IGF1R: variants seen among roughly 807,000 people sequenced by gnomAD.
IGF1R encodes insulin-like growth factor 1 receptor.
IGF1R carries 44 observed loss-of-function variants against 144.6 expected under a neutral mutation model. The ratio of observed to expected loss-of-function variants is 0.30; its 90% CI spans 0.24 to 0.39. The LOEUF is 0.39. IGF1R is among the 10% of genes least tolerant of loss of function. The pLI, the probability that IGF1R is intolerant of heterozygous loss-of-function variation, is 1.00. For missense variants in IGF1R, 1,355 were observed against 1,833.7 expected (o/e 0.74, Z 4.77); for synonymous variants, 795 against 722.8 (o/e 1.10, Z -1.60).
intron 2 of IGF1R, among the ~76,000 whole-genome samples, chr15:98,787,429 T>C (rs572056300): frequency 1.3e-5 from 2 of 152,320 alleles, no homozygotes; most frequent in East Asian, 3.9e-4. Flanking sequence ...CTGAAGGCGT[T>C]GGAGCGTGAG....
chr15:98,851,949 A>G (rs2011545059), intron 2 of IGF1R, among the ~76,000 whole-genome samples: 1 of 152,258 alleles, frequency 6.6e-6, no homozygotes, highest in Non-Finnish European at 1.5e-5. Context: ...TGTGCCCTTA[A>G]TGGCGTATTG....
intron 2 of IGF1R, among the ~76,000 whole-genome samples, chr15:98,828,240 A>G (rs2056932456): frequency 6.6e-6 from 1 of 152,150 alleles, no homozygotes; most frequent in Non-Finnish European, 1.5e-5. Flanking sequence ...CTAAACTTCC[A>G]CAGTCAGACC....
At chr15:98,691,930 C>G (rs1313030330) in intron 1 of IGF1R, among the ~76,000 whole-genome samples, 10 of 152,220 alleles carry the variant, frequency 6.6e-5, no homozygotes, top group Non-Finnish European at 1.5e-4. Flanking sequence ...TGGCTGTACA[C>G]ATATGCTCCT....
In IGF1R at chr15:98,923,867, A is replaced by T. The variant is rs760038154; in HGVS notation, c.2486-9A>T. 1.2e-6 allele frequency: 2 copies of T among 1,613,536 alleles called. No individual in the cohort carries two copies. Among genetic ancestry groups the T allele is most frequent in the Non-Finnish European group, 1.7e-6 (2 of 1,179,510 alleles). On this transcript the variant is annotated splice_polypyrimidine_tract_variant and intron_variant, in intron 11 of 20. Transcript: ENST00000650285. ...AAATCCAACTTTGTCACCTGTTTAA[A>T]TTGTACAGAAGGAGCAGATGACATT...
At chr15:98,932,750 A>G (rs765425793) in intron 15 of IGF1R, among the ~76,000 whole-genome samples, 16 of 152,210 alleles carry the variant, frequency 1.1e-4, no homozygotes, top group Non-Finnish European at 1.9e-4. Context: ...CAGGGGTGCA[A>G]GCCACCTATG....
chr15:98,762,659 T>C (rs112329846), intron 2 of IGF1R, among the ~76,000 whole-genome samples: 39,117 of 144,688 alleles, frequency 0.27, 5,404 homozygotes, highest in East Asian at 0.4. Context: ...ACCCGGGAGG[T>C]GGAGGTTGCA....
At chr15:98,954,907 C>T (rs1045149503) in intron 20 of IGF1R, among the ~76,000 whole-genome samples, 1 of 152,150 alleles carries the variant, frequency 6.6e-6, no homozygotes, top group Non-Finnish European at 1.5e-5. Context: ...GTTCCTTGGA[C>T]AGTTAGGTGA....
intron 13 of IGF1R, among the ~76,000 whole-genome samples, chr15:98,927,535 A>G (rs2015768903): frequency 1.3e-5 from 2 of 152,186 alleles, no homozygotes; most frequent in Admixed American, 1.3e-4. Flanking sequence ...TGAAATGTGA[A>G]ACTCAAAAAG....
chr15:98,861,178 C>T (rs564564321), intron 2 of IGF1R, among the ~76,000 whole-genome samples: 1 of 152,268 alleles, frequency 6.6e-6, no homozygotes, highest in East Asian at 1.9e-4. Flanking sequence ...AAAAACAAAT[C>T]TTCCAAATGA....
chr15:98,800,703 G>C (rs1189736772), intron 2 of IGF1R, among the ~76,000 whole-genome samples: 3 of 152,122 alleles, frequency 2.0e-5, no homozygotes, highest in Non-Finnish European at 4.4e-5. Flanking sequence ...CTTGGTGTTG[G>C]TATCTGAGCG....
intron 2 of IGF1R, among the ~76,000 whole-genome samples, chr15:98,843,328 C>T (rs1348155600): frequency 2.0e-5 from 3 of 152,096 alleles, no homozygotes; most frequent in African/African-American, 7.2e-5. Flanking sequence ...AGACGCAGAA[C>T]AAATTAACTC....
chr15:98,804,378 G>A (rs888207924), intron 2 of IGF1R, among the ~76,000 whole-genome samples: 9 of 152,320 alleles, frequency 5.9e-5, no homozygotes, highest in Middle Eastern at 3.4e-3. Flanking sequence ...AGTAACCCGC[G>A]TTTGGAGGAC....
At chr15:98,908,927 G>A in intron 6 of IGF1R, 28 bp downstream of exon 6, 3 of 1,592,156 alleles carry the variant, frequency 1.9e-6, no homozygotes, top group Non-Finnish European at 1.7e-6. Flanking sequence ...AAACACCGTG[G>A]GCCCAACCAT....
Position 98,785,552 on chromosome 15 carries a change from G to T in IGF1R, c.640+77445G>T, listed in dbSNP as rs376628652. Reference sequence around the variant, plus strand: ...AGGTGTGTTAATTGGCCCCAGGGCCGCAGGCTTTAGCGTTCAGAGGACTTT... The same window carrying T: ...AGGTGTGTTAATTGGCCCCAGGGCCTCAGGCTTTAGCGTTCAGAGGACTTT... On this transcript the variant is annotated intron_variant, in intron 2 of 20. Coordinates refer to ENST00000650285, the MANE Select transcript of IGF1R (RefSeq NM_000875.5). Among the ~76,000 whole-genome samples, 351 of 152,276 alleles carry T rather than the reference G, an allele frequency of 2.3e-3. 1 individual carries two copies. The highest frequency in any genetic ancestry group is 8.1e-3 in the African/African-American group (337 of 41,550).
chr15:98,868,943 G>A (rs563873773), intron 2 of IGF1R, among the ~76,000 whole-genome samples: 14 of 152,294 alleles, frequency 9.2e-5, no homozygotes, highest in Non-Finnish European at 1.6e-4. Context: ...CCAGAAGCAA[G>A]TGTTACCTGT....
chr15:98,874,253 C>T (rs1328054332), intron 2 of IGF1R, among the ~76,000 whole-genome samples: 4 of 152,066 alleles, frequency 2.6e-5, no homozygotes, highest in Admixed American at 6.6e-5. Flanking sequence ...AGGAGAAGTT[C>T]GGGTGCTGTT....
chr15:98,658,250 C>G (rs2141172116), intron 1 of IGF1R, among the ~76,000 whole-genome samples: 1 of 152,328 alleles, frequency 6.6e-6, no homozygotes, highest in South Asian at 2.1e-4. Flanking sequence ...CACTACTCTG[C>G]TACTTCTCCT....
intron 2 of IGF1R, among the ~76,000 whole-genome samples, chr15:98,711,935 T>C (rs1388253001): frequency 3.3e-5 from 5 of 152,206 alleles, no homozygotes; most frequent in Non-Finnish European, 5.9e-5. Context: ...CTTTTCACTG[T>C]CTTCACATGT....
intron 2 of IGF1R, among the ~76,000 whole-genome samples, chr15:98,714,657 A>G (rs917835697): frequency 2.6e-5 from 4 of 152,048 alleles, no homozygotes; most frequent in Admixed American, 2.6e-4. Context: ...GAGAAAAAAA[A>G]AAAAAGATTT....
Sources: allele counts gnomAD v4.1 joint callset (sites outside exome capture counted in the v4.1 genomes callset), GRCh38; gene constraint gnomAD v4.1.1; transcripts MANE v1.5; gene names NCBI Gene and HGNC (gene_info 2026-07-23, HGNC 2026-07-21).